Variants in DCK observed in about 807,000 individuals in gnomAD.
The protein encoded by DCK is deoxycytidine kinase.
A neutral mutation model predicts 38.3 loss-of-function variants in DCK; 23 were observed. The observed-to-expected ratio is 0.60, with a 90% CI of 0.43 to 0.85. The LOEUF (loss-of-function observed/expected upper bound fraction) is 0.85. Among genes scored for constraint, DCK ranks in the 40% least tolerant of loss-of-function variants. The pLI is 0.00. For synonymous variants in DCK, 108 were observed against 100.6 expected (o/e 1.07, Z -0.44); for missense variants, 259 against 304.4 (o/e 0.85, Z 1.11).
At chr4:71,005,110 A>T (rs1739907590) in intron 2 of DCK, among the ~76,000 whole-genome samples, 1 of 152,126 alleles carries the variant, frequency 6.6e-6, no homozygotes, top group African/African-American at 2.4e-5. Flanking sequence ...GCCCTTGTGT[A>T]GGCACCCGAG....
At chr4:71,027,554 G>C (rs1164820265) in intron 6 of DCK, among the ~76,000 whole-genome samples, 1 of 152,066 alleles carries the variant, frequency 6.6e-6, no homozygotes, top group African/African-American at 2.4e-5. Context: ...AGCACAATTT[G>C]GTTTAGTTTT....
At chr4:71,024,903 A>T (rs981273424) in intron 4 of DCK, among the ~76,000 whole-genome samples, 1 of 152,108 alleles carries the variant, frequency 6.6e-6, no homozygotes, top group Admixed American at 6.5e-5. Flanking sequence ...TAGTACAAAC[A>T]CCAAAAACAT....
At position 71,023,719 on chromosome 4, in the gene DCK, A is replaced by G. The variant is rs2148919357; in HGVS notation, c.549+13A>G. 1 of 1,596,258 alleles carries G rather than the reference A, an allele frequency of 6.3e-7. No individual in the cohort carries two copies. The highest frequency in any genetic ancestry group is 8.5e-7 in the Non-Finnish European group (1 of 1,174,402). On this transcript the variant is annotated intron_variant, in intron 4 of 6. Transcript: ENST00000286648. ...AGCCACTCCAGAGGTAAAACCCAAT[A>G]AAAATGTGTTTCACTGAAAATTTAA...
chr4:71,025,106 T>G (rs1386101636), intron 4 of DCK, among the ~76,000 whole-genome samples: 1 of 152,038 alleles, frequency 6.6e-6, no homozygotes, highest in Admixed American at 6.6e-5. Context: ...GCATGAAGAG[T>G]TTCTCATGGT....
chr4:70,997,111 C>T (rs1444752894), intron 1 of DCK, among the ~76,000 whole-genome samples: 2 of 152,106 alleles, frequency 1.3e-5, no homozygotes, highest in African/African-American at 4.8e-5. Flanking sequence ...AATTTTTCTG[C>T]TTGTAAGCAG....
Position 70,993,755 on chromosome 4 carries a change from C to G in DCK, c.-81C>G. The stretch of plus-strand genomic sequence containing the variant: ...AGGTCAGGATCTGGCTTAGCGGCGC[C>G]GCGAGCTCCAGTGCGCGCACCCGTG... On this transcript the variant is annotated 5_prime_UTR_variant, in exon 1 of 7. Transcript: ENST00000286648. 1.1e-6 allele frequency: 1 copy of G among 950,658 alleles called. No homozygotes were observed. The highest frequency in any genetic ancestry group is 1.5e-5 in the South Asian group (1 of 67,460). 58.9% of individuals were successfully genotyped at this position (950,658 alleles called of 1,614,324 possible). A position where few individuals can be genotyped will look rare whatever the true frequency, so the allele number is the denominator to read the frequency against.
At chr4:70,999,706 T>C (rs1449213984) in intron 2 of DCK, among the ~76,000 whole-genome samples, 1 of 152,236 alleles carries the variant, frequency 6.6e-6, no homozygotes, top group Non-Finnish European at 1.5e-5. Flanking sequence ...TTTTTAATGA[T>C]CACCATTCTA....
intron 2 of DCK, among the ~76,000 whole-genome samples, chr4:71,009,160 G>T (rs111961250): frequency 6.6e-6 from 1 of 152,120 alleles, no homozygotes; most frequent in Non-Finnish European, 1.5e-5. Flanking sequence ...TCCATAATTT[G>T]TACACACAAG....
intron 2 of DCK, among the ~76,000 whole-genome samples, chr4:71,001,596 G>T (rs1432903568): frequency 6.6e-6 from 1 of 152,178 alleles, no homozygotes; most frequent in African/African-American, 2.4e-5. Context: ...GTAGAATTCA[G>T]CTGTGAATCC....
intron 1 of DCK, among the ~76,000 whole-genome samples, chr4:70,995,876 G>C (rs1357397773): frequency 6.6e-6 from 1 of 151,974 alleles, no homozygotes; most frequent in African/African-American, 2.4e-5. Context: ...GTTGTGAACT[G>C]ATAGCCTGCA....
intron 2 of DCK, among the ~76,000 whole-genome samples, chr4:71,015,334 A>G (rs1471365208): frequency 3.3e-5 from 5 of 152,234 alleles, no homozygotes; most frequent in East Asian, 1.9e-4. Flanking sequence ...ATGGATTCAC[A>G]GCCGAATTCT....
chr4:71,009,356 A>G (rs1357231660), intron 2 of DCK, among the ~76,000 whole-genome samples: 1 of 152,208 alleles, frequency 6.6e-6, no homozygotes, highest in African/African-American at 2.4e-5. Flanking sequence ...AAGACAAGAC[A>G]ATTTATAATA....
intron 1 of DCK, among the ~76,000 whole-genome samples, chr4:70,997,283 A>G (rs1267840739): frequency 1.3e-5 from 2 of 151,940 alleles, no homozygotes; most frequent in Admixed American, 6.6e-5. Flanking sequence ...ATATGCTTTC[A>G]CTTCCACTTA....
At position 71,023,668 on chromosome 4, in the gene DCK, G is replaced by T. The variant is rs768818120; in HGVS notation, c.511G>T (p.Glu171Ter). Residue 171 changes from glutamate (E) to a stop codon, truncating the protein, a stop_gained, in exon 4 of 7, where the codon GAA (glutamate) becomes TAA (stop). Coordinates refer to ENST00000286648, the MANE Select transcript of DCK (RefSeq NM_000788.3). LOFTEE classifies it high-confidence loss of function. ...GAATAACCAATTTGGCCAAAGCCTT[G>T]AATTGGATGGAATCATTTATCTTCA... ...WMNNQFGQSL[E>*]LDGIIYLQAT... is the part of the protein sequence containing the mutation. 6.2e-7 allele frequency: 1 copy of T among 1,612,656 alleles called. No homozygotes were observed. The highest frequency in any genetic ancestry group is 1.3e-5 in the African/African-American group (1 of 74,822).
intron 2 of DCK, among the ~76,000 whole-genome samples, chr4:71,021,160 C>T (rs549534151): frequency 1.1e-4 from 16 of 150,964 alleles, no homozygotes; most frequent in African/African-American, 3.9e-4. Context: ...ACTGCAAGCT[C>T]CGCTTCCCGG....
intron 2 of DCK, among the ~76,000 whole-genome samples, chr4:71,019,988 A>G (rs1459815297): frequency 6.6e-6 from 1 of 152,130 alleles, no homozygotes; most frequent in East Asian, 1.9e-4. Context: ...GGGTTTCACC[A>G]TGTTGGCCAA....
chr4:71,009,740 G>A (rs979721307), intron 2 of DCK, among the ~76,000 whole-genome samples: 1 of 152,060 alleles, frequency 6.6e-6, no homozygotes, highest in African/African-American at 2.4e-5. Context: ...GGACTGCTCC[G>A]TTGTTAATTC....
intron 2 of DCK, among the ~76,000 whole-genome samples, chr4:71,011,351 T>A (rs550747215): frequency 6.6e-6 from 1 of 151,526 alleles, no homozygotes; most frequent in African/African-American, 2.4e-5. Context: ...TTTGAATAGA[T>A]GTGATAACTT....
At chr4:71,026,397 T>G (rs1740547645) in intron 5 of DCK, among the ~76,000 whole-genome samples, 1 of 152,002 alleles carries the variant, frequency 6.6e-6, no homozygotes, top group South Asian at 2.1e-4. Flanking sequence ...AATGCAGAAA[T>G]TCCTACTTTA....
Sources: gnomAD v4.1 joint callset for allele counts (sites outside exome capture counted in the v4.1 genomes callset) on GRCh38, gnomAD v4.1.1 for gene constraint, MANE v1.5 for transcripts, NCBI Gene and HGNC (gene_info 2026-07-23, HGNC 2026-07-21) for gene names.